CLHC1: variants seen among roughly 807,000 people sequenced by gnomAD.
CLHC1 encodes clathrin heavy chain linker domain-containing protein 1.
Under a neutral mutation model 69.5 loss-of-function variants are expected in CLHC1, and 72 were observed. That is an observed-to-expected ratio of 1.04 (90% CI 0.86 to 1.26). CLHC1 has a LOEUF of 1.26. Among genes scored for constraint, CLHC1 ranks in the 50% most tolerant of loss-of-function variants. CLHC1 has a pLI of 0.00. For missense variants in CLHC1, 790 were observed against 679.3 expected (o/e 1.16, Z -1.81); for synonymous variants, 223 against 224.3 (o/e 0.99, Z 0.05).
At chr2:55,221,518 C>G (rs1674112693) in intron 3 of CLHC1, among the ~76,000 whole-genome samples, 1 of 152,136 alleles carries the variant, frequency 6.6e-6, no homozygotes, top group Admixed American at 6.5e-5. Flanking sequence ...AATGTTAGAT[C>G]AAATCTAAAC....
chr2:55,210,611 C>T (rs906304463), intron 5 of CLHC1, among the ~76,000 whole-genome samples: 10 of 152,248 alleles, frequency 6.6e-5, no homozygotes, highest in South Asian at 6.2e-4. Context: ...CCTGAAGACC[C>T]GTAAATATCA....
intron 2 of CLHC1, among the ~76,000 whole-genome samples, chr2:55,226,082 C>T (rs1295817698): frequency 6.6e-6 from 1 of 151,952 alleles, no homozygotes; most frequent in Non-Finnish European, 1.5e-5. Flanking sequence ...GTCCCAGCTA[C>T]TCAGGAGGCT....
At chr2:55,228,956 T>G (rs1435786963) in intron 1 of CLHC1, among the ~76,000 whole-genome samples, 1 of 151,854 alleles carries the variant, frequency 6.6e-6, no homozygotes, top group Non-Finnish European at 1.5e-5. Context: ...TTGAGATCAG[T>G]CTGGCCAACA....
At chr2:55,220,590 C>A (rs1021493843) in intron 3 of CLHC1, among the ~76,000 whole-genome samples, 1 of 152,082 alleles carries the variant, frequency 6.6e-6, no homozygotes, top group African/African-American at 2.4e-5. Context: ...CTATTTAACA[C>A]CATATGTTTT....
intron 11 of CLHC1, 139 bp downstream of exon 11, chr2:55,180,371 C>T (rs1437244990): frequency 5.0e-6 from 3 of 600,910 alleles, no homozygotes; most frequent in South Asian, 4.6e-5. Flanking sequence ...TGAAAAATTA[C>T]ACAAGAAATC....
intron 11 of CLHC1, among the ~76,000 whole-genome samples, chr2:55,180,192 T>C (rs1669788594): frequency 6.6e-6 from 1 of 152,088 alleles, no homozygotes; most frequent in Non-Finnish European, 1.5e-5. Context: ...AAATAAGTTA[T>C]TTTTAAAAAT....
intron 5 of CLHC1, among the ~76,000 whole-genome samples, chr2:55,210,867 T>G (rs551660213): frequency 7.5e-4 from 113 of 150,250 alleles, no homozygotes; most frequent in African/African-American, 1.8e-3. Context: ...GATATATATA[T>G]AGAGAGAGAG....
chr2:55,192,888 CTT>C lies in CLHC1; in HGVS notation c.1007-11146_1007-11145del, dbSNP rs71410488. Among the ~76,000 whole-genome samples, 303 of 117,184 alleles carry C rather than the reference CTT, an allele frequency of 2.6e-3. 2 individuals carry two copies. The highest frequency in any genetic ancestry group is 9.0e-3 in the African/African-American group (284 of 31,640). The allele number at this position is 117,184 out of a possible 152,430, so 76.9% of individuals were successfully genotyped here. On this transcript the variant is annotated intron_variant, in intron 9 of 12. Coordinates refer to ENST00000401408, the MANE Select transcript of CLHC1 (RefSeq NM_152385.4). ...AGAAAACAGGAGTAGATCTCTGTGA[CTT>C]TTTTTTTTTTTTTTTTTTGAGATGG...
At chr2:55,202,461 C>G (rs908874307) in intron 9 of CLHC1, among the ~76,000 whole-genome samples, 14 of 150,644 alleles carry the variant, frequency 9.3e-5, no homozygotes, top group Non-Finnish European at 1.6e-4. Flanking sequence ...GAGGCTGAGG[C>G]AGGAGAATTG....
At position 55,209,691 on chromosome 2, in the gene CLHC1, T is replaced by G; in HGVS notation, c.640A>C (p.Met214Leu). Residue 214 changes from methionine to leucine, a missense_variant, in exon 6 of 13, where the codon ATG (methionine) becomes CTG (leucine). By Grantham distance (15) the Met-to-Leu change is conservative (BLOSUM62 2). Transcript: ENST00000401408. The part of the protein sequence containing the change: ...AQRKADLDEE[M>L]IVLLKRRDVA... ...TCTCGCCGTTTTAATAACACAATCATTTCTTCATCTAAATCAGCCTTCCTC... is the reference window on the plus strand; with the variant it reads ...TCTCGCCGTTTTAATAACACAATCAGTTCTTCATCTAAATCAGCCTTCCTC... 1 of 1,614,114 alleles carries G rather than the reference T, an allele frequency of 6.2e-7. No homozygotes were observed. Among genetic ancestry groups the G allele is most frequent in the African/African-American group, 1.3e-5 (1 of 75,068 alleles).
At chr2:55,187,488 C>A (rs545519084) in intron 9 of CLHC1, among the ~76,000 whole-genome samples, 2 of 151,764 alleles carry the variant, frequency 1.3e-5, no homozygotes, top group African/African-American at 4.8e-5. Context: ...TGGTGCATGC[C>A]TCTAGTCCCA....
chr2:55,202,990 C>T (rs950007735), intron 9 of CLHC1, among the ~76,000 whole-genome samples: 10 of 151,430 alleles, frequency 6.6e-5, no homozygotes, highest in African/African-American at 2.4e-4. Context: ...TTTCTATATG[C>T]CAACAACAAA....
At chr2:55,223,383 C>T (rs189556037) in intron 2 of CLHC1, among the ~76,000 whole-genome samples, 39 of 152,284 alleles carry the variant, frequency 2.6e-4, no homozygotes, top group African/African-American at 8.4e-4. Context: ...TTTCAAGCAG[C>T]CGCATTATGC....
At chr2:55,184,267 G>T (rs981382934) in intron 9 of CLHC1, among the ~76,000 whole-genome samples, 1 of 151,824 alleles carries the variant, frequency 6.6e-6, no homozygotes, top group African/African-American at 2.4e-5. Context: ...CACCACGGCC[G>T]GCTAATTTTT....
chr2:55,217,869 C>T lies in CLHC1; in HGVS notation c.307G>A (p.Ala103Thr). ...FCLHGKLKGL[A>T]AEPTALVYYR... ...TATACCAAAGCTGTAGGCTCTGCTGCCAAACCTTTAAGTTTTCCATGAAGA... is the reference window on the plus strand; with the variant it reads ...TATACCAAAGCTGTAGGCTCTGCTGTCAAACCTTTAAGTTTTCCATGAAGA... Residue 103 changes from alanine (A) to threonine (T), a missense_variant, in exon 4 of 13, where the codon GCA (alanine) becomes ACA (threonine). Physicochemically the swap from Ala to Thr is moderately conservative, Grantham distance 58. Coordinates refer to ENST00000401408, the MANE Select transcript of CLHC1 (RefSeq NM_152385.4). 1 of 1,606,870 alleles carries T rather than the reference C, an allele frequency of 6.2e-7. No homozygotes were observed. The highest frequency in any genetic ancestry group is 8.5e-7 in the Non-Finnish European group (1 of 1,177,268).
intron 3 of CLHC1, 76 bp downstream of exon 3, chr2:55,222,157 AAG>A: frequency 1.0e-6 from 1 of 968,972 alleles, no homozygotes; most frequent in Non-Finnish European, 1.6e-6. Flanking sequence ...TGGTGTTACT[AAG>A]GCAGGAATAT....
chr2:55,180,136 G>A (rs1669779473), intron 11 of CLHC1, among the ~76,000 whole-genome samples: 1 of 149,992 alleles, frequency 6.7e-6, no homozygotes, highest in African/African-American at 2.5e-5. Flanking sequence ...CCTGGCAACA[G>A]AGTGAGACTC....
rs1463315399 is a variant in CLHC1, at chr2:55,180,592, C to A, written c.1302G>T (p.Lys434Asn). ...GTTTACACAAGCAAAGAATAGCTTT[C>A]TTGTGCAGGCCACATTCACTGTAGA... is the stretch of plus-strand genomic sequence containing the variant. ...QIVYSECGLHKKAILCLCKQG... is the reference protein window; with the variant it reads ...QIVYSECGLHNKAILCLCKQG... Residue 434 changes from lysine (K) to asparagine (N), a missense_variant, in exon 11 of 13, where the codon AAG (lysine) becomes AAT (asparagine). By Grantham distance (94) the Lys-to-Asn change is moderately conservative. Transcript: ENST00000401408. 1 of 1,614,088 alleles carries A rather than the reference C, an allele frequency of 6.2e-7. No individual in the cohort carries two copies. The highest frequency in any genetic ancestry group is 2.2e-5 in the East Asian group (1 of 44,874).
chr2:55,193,524 G>A (rs189384744), intron 9 of CLHC1, among the ~76,000 whole-genome samples: 1 of 152,076 alleles, frequency 6.6e-6, no homozygotes, highest in Admixed American at 6.5e-5. Context: ...ATGGCCAAGA[G>A]ACAAGTGAAA....
Sources: allele counts gnomAD v4.1 joint callset (sites outside exome capture counted in the v4.1 genomes callset), GRCh38; gene constraint gnomAD v4.1.1; transcripts MANE v1.5; gene names NCBI Gene and HGNC (gene_info 2026-07-23, HGNC 2026-07-21).